The following BTBD8 variants were observed in gnomAD, a reference collection of about 807,000 sequenced individuals.
BTBD8 encodes BTB/POZ domain-containing protein 8.
Under a neutral mutation model 162.9 loss-of-function variants are expected in BTBD8, and 110 were observed. That is an observed-to-expected ratio of 0.68 (90% confidence interval 0.58 to 0.79). BTBD8 has a LOEUF of 0.79. BTBD8 is among the 30% of genes least tolerant of loss of function. The pLI is 0.00. For synonymous variants in BTBD8, 667 were observed against 716.1 expected, an observed-to-expected ratio of 0.93 and a Z score of 1.10; for missense variants, 1,905 against 2,085.4, an observed-to-expected ratio of 0.91 and a Z score of 1.68.
intron 1 of BTBD8, among the ~76,000 whole-genome samples, chr1:92,088,175 G>T (rs914945694): frequency 6.6e-6 from 1 of 152,136 alleles, no homozygotes; most frequent in Admixed American, 6.5e-5. Flanking sequence ...CTGGATTTCA[G>T]ACTTGTTAAT....
At position 92,183,824 on chromosome 1, in the gene BTBD8, G is replaced by A. The variant is rs146614434; in HGVS notation, c.4913-40G>A. On this transcript the variant is annotated intron_variant, in intron 17 of 17. Coordinates refer to ENST00000636805, the MANE Select transcript of BTBD8 (RefSeq NM_001376131.1). Reference sequence around the variant, plus strand: ...TCTACAAAACTCTGAGGGTACCAACGTGCAATTTTTACATTGTGTAGTATT... The same window carrying A: ...TCTACAAAACTCTGAGGGTACCAACATGCAATTTTTACATTGTGTAGTATT... 3.0e-5 allele frequency: 41 copies of A among 1,386,526 alleles called. 2 individuals are homozygous for A. The South Asian group carries it at 3.6e-4, about 12-fold the overall frequency. 85.9% of individuals were successfully genotyped at this position (1,386,526 alleles called of 1,614,324 possible). A position where few individuals can be genotyped will look rare whatever the true frequency, so the allele number is the denominator to read the frequency against.
At chr1:92,160,397 C>G (rs988765505) in intron 9 of BTBD8, among the ~76,000 whole-genome samples, 1 of 151,972 alleles carries the variant, frequency 6.6e-6, no homozygotes, top group African/African-American at 2.4e-5. Flanking sequence ...GAACATATTT[C>G]TTTGTTCATT....
At chr1:92,166,322 C>G (rs1305312891) in intron 9 of BTBD8, among the ~76,000 whole-genome samples, 1 of 151,330 alleles carries the variant, frequency 6.6e-6, no homozygotes, top group African/African-American at 2.4e-5. Flanking sequence ...TCTATAAGCA[C>G]AAAAATTAAT....
chr1:92,138,086 T>C (rs1649675280), intron 5 of BTBD8, among the ~76,000 whole-genome samples: 1 of 152,174 alleles, frequency 6.6e-6, no homozygotes, highest in Admixed American at 6.5e-5. Flanking sequence ...AGGCAGGTTG[T>C]TTCAGCAGCT....
intron 9 of BTBD8, among the ~76,000 whole-genome samples, chr1:92,160,339 A>T (rs1430826533): frequency 5.3e-5 from 8 of 152,112 alleles, no homozygotes; most frequent in Non-Finnish European, 1.0e-4. Context: ...TAAATCATAT[A>T]TCTCAATTTC....
At position 92,184,199 on chromosome 1, in the gene BTBD8, A is replaced by G. The variant is rs1651011951; in HGVS notation, c.5248A>G (p.Thr1750Ala). The change falls in exon 18 of 18, where the codon ACT becomes GCT. Residue 1750 changes from threonine (T) to alanine (A), a missense_variant. Physicochemically the swap from Thr to Ala is moderately conservative, Grantham distance 58. This residue lies in a region of BTBD8 where 517 missense variants were observed against 606.6 expected (regional missense o/e 0.85). Coordinates refer to ENST00000636805, the MANE Select transcript of BTBD8 (RefSeq NM_001376131.1). ...ACCTCAGGGTATAACACATATTGAC[A>G]CTTTGAACAGATGGAGTGAACTAAC... ...SKPQGITHID[T>A]LNRWSELTSP... 3.2e-6 allele frequency: 5 copies of G among 1,551,470 alleles called. No homozygotes were observed. Among genetic ancestry groups the G allele is most frequent in the Non-Finnish European group, 4.4e-6 (5 of 1,146,846 alleles).
Position 92,108,011 on chromosome 1 carries a change from C to A in BTBD8, c.662+10C>A. The stretch of plus-strand genomic sequence containing the variant: ...GTTTTAAAGCTCACAGGTAAATAGA[C>A]ACGACTGATTTGCTGTCTTGGTTGT... On this transcript the variant is annotated intron_variant, in intron 4 of 17. Transcript: ENST00000636805. The A allele has an allele frequency of 6.3e-7, 1 of 1,599,460 alleles. No homozygotes were observed. Among genetic ancestry groups the A allele is most frequent in the Admixed American group, 1.7e-5 (1 of 59,986 alleles).
intron 15 of BTBD8, 59 bp downstream of exon 15, chr1:92,177,957 T>C: frequency 5.5e-6 from 4 of 733,786 alleles, no homozygotes; most frequent in Non-Finnish European, 8.9e-6. Context: ...GTTAATTATA[T>C]ACTAACTGCT....
chr1:92,174,916 A>G (rs114685456), intron 13 of BTBD8, among the ~76,000 whole-genome samples: 1,962 of 152,118 alleles, frequency 0.013, 48 homozygotes, highest in African/African-American at 0.043. Context: ...ACCCACATTC[A>G]TATATGTTAT....
intron 4 of BTBD8, among the ~76,000 whole-genome samples, chr1:92,112,652 C>T (rs1004083742): frequency 2.0e-5 from 3 of 151,904 alleles, no homozygotes; most frequent in African/African-American, 7.3e-5. Flanking sequence ...ATAGAGTATC[C>T]ATGGCACTTA....
At chr1:92,179,322 C>T (rs574510745) in intron 16 of BTBD8, among the ~76,000 whole-genome samples, 1 of 151,984 alleles carries the variant, frequency 6.6e-6, no homozygotes, top group African/African-American at 2.4e-5. Context: ...GAAGAATTTC[C>T]CTTCCAGAAT....
intron 9 of BTBD8, among the ~76,000 whole-genome samples, chr1:92,158,601 C>CT (rs1650212957): frequency 6.6e-6 from 1 of 152,066 alleles, no homozygotes; most frequent in Non-Finnish European, 1.5e-5. Context: ...ATGCATTTAT[C>CT]TTTTAGCTTA....
intron 4 of BTBD8, among the ~76,000 whole-genome samples, chr1:92,111,896 A>G (rs1648906608): frequency 6.6e-6 from 1 of 152,246 alleles, no homozygotes; most frequent in African/African-American, 2.4e-5. Flanking sequence ...GCAACAAAAA[A>G]GCAGAGACAA....
intron 9 of BTBD8, among the ~76,000 whole-genome samples, chr1:92,166,520 G>A (rs1479990385): frequency 6.7e-6 from 1 of 149,106 alleles, no homozygotes; most frequent in Non-Finnish European, 1.5e-5. Flanking sequence ...CGCCTCCTGA[G>A]TTCAAGCAAC....
At chr1:92,112,593 C>T (rs1281430455) in intron 4 of BTBD8, among the ~76,000 whole-genome samples, 1 of 152,038 alleles carries the variant, frequency 6.6e-6, no homozygotes, top group Non-Finnish European at 1.5e-5. Flanking sequence ...TTTAATTCCT[C>T]ATTTTTTTCA....
In BTBD8 at chr1:92,182,198, TAGTG is replaced by T; in HGVS notation, c.4516_4519del (p.Ser1506TyrfsTer33). 1 of 1,550,466 alleles carries T rather than the reference TAGTG, an allele frequency of 6.4e-7. No individual in the cohort carries two copies. The highest frequency in any genetic ancestry group is 8.7e-7 in the Non-Finnish European group (1 of 1,146,636). On this transcript the variant is annotated frameshift_variant, in exon 17 of 18. Coordinates refer to ENST00000636805, the MANE Select transcript of BTBD8 (RefSeq NM_001376131.1). LOFTEE classifies it high-confidence loss of function. ...TAGAATGTAAACAAAATAAAGGCAA[TAGTG>T]TATGTAAAAATGAAAGCACTGTCTT...
chr1:92,171,954 G>A (rs1418257684), intron 13 of BTBD8, among the ~76,000 whole-genome samples: 1 of 152,166 alleles, frequency 6.6e-6, no homozygotes, highest in African/African-American at 2.4e-5. Flanking sequence ...AGCCAGGCAT[G>A]GTGGTGCACA....
intron 4 of BTBD8, among the ~76,000 whole-genome samples, chr1:92,118,534 A>G (rs1355726206): frequency 6.6e-6 from 1 of 151,812 alleles, no homozygotes; most frequent in African/African-American, 2.4e-5. Flanking sequence ...TTTCTCCACT[A>G]TAAGTTACTC....
At chr1:92,090,643 A>G (rs1218769040) in intron 2 of BTBD8, among the ~76,000 whole-genome samples, 1 of 152,196 alleles carries the variant, frequency 6.6e-6, no homozygotes, top group Non-Finnish European at 1.5e-5. Flanking sequence ...ATTCTTATGT[A>G]GTCAGGCCAG....
Sources: allele counts gnomAD v4.1 joint callset (sites outside exome capture counted in the v4.1 genomes callset), GRCh38; gene constraint gnomAD v4.1.1; regional missense constraint gnomAD v4.1.1; transcripts MANE v1.5; gene names NCBI Gene and HGNC (gene_info 2026-07-23, HGNC 2026-07-21).